The following SCHIP1 variants were observed in gnomAD, a reference collection of about 807,000 sequenced individuals.
The protein encoded by SCHIP1 is schwannomin interacting protein 1.
Under a neutral mutation model 29.7 loss-of-function variants are expected in SCHIP1, and 8 were observed. The ratio of observed to expected loss-of-function variants is 0.27; its 90% CI spans 0.16 to 0.49. The LOEUF (loss-of-function observed/expected upper bound fraction) is 0.49. Ranked by LOEUF, SCHIP1 falls within the 20% of genes least tolerant of loss-of-function variation. The pLI, the probability that SCHIP1 is intolerant of heterozygous loss-of-function variation, is 0.99. For missense variants in SCHIP1, 193 were observed against 294.6 expected, an observed-to-expected ratio of 0.66 and a Z score of 2.52; for synonymous variants, 76 against 94.9, an observed-to-expected ratio of 0.80 and a Z score of 1.16.
chr3:159,472,467 G>C, the SCHIP1 span, among the ~76,000 whole-genome samples: 1 of 152,120 alleles, frequency 6.6e-6, no homozygotes, highest in Non-Finnish European at 1.5e-5. Flanking sequence ...GTATTTACAT[G>C]CAGCAGCCTT....
At chr3:159,855,514 G>A (rs1481646543) in intron 1 of SCHIP1, among the ~76,000 whole-genome samples, 1 of 152,026 alleles carries the variant, frequency 6.6e-6, no homozygotes, top group Non-Finnish European at 1.5e-5. Flanking sequence ...CAGTAAGATG[G>A]TTTTGAGTCC....
chr3:159,714,723 G>C, the SCHIP1 span, among the ~76,000 whole-genome samples: 34 of 152,360 alleles, frequency 2.2e-4, no homozygotes, highest in African/African-American at 8.2e-4. Context: ...GCTGAGGCTT[G>C]AGTAGGTAAA....
chr3:159,311,788 C>T, the SCHIP1 span, among the ~76,000 whole-genome samples: 2 of 152,094 alleles, frequency 1.3e-5, no homozygotes, highest in Non-Finnish European at 2.9e-5. Flanking sequence ...TTATGATACT[C>T]TTCATGATCA....
chr3:159,818,219 A>G, the SCHIP1 span, among the ~76,000 whole-genome samples: 1 of 152,194 alleles, frequency 6.6e-6, no homozygotes, highest in Non-Finnish European at 1.5e-5. Flanking sequence ...AGCACCTTCT[A>G]TGCTCTTATC....
chr3:159,508,406 T>TC, the SCHIP1 span, among the ~76,000 whole-genome samples: 1 of 152,208 alleles, frequency 6.6e-6, no homozygotes, highest in Non-Finnish European at 1.5e-5. Context: ...GTTGATCTTT[T>TC]CAAAAAACCA....
the SCHIP1 span, among the ~76,000 whole-genome samples, chr3:159,809,418 T>G: frequency 8.9e-4 from 136 of 152,276 alleles, no homozygotes; most frequent in Middle Eastern, 3.4e-3. Flanking sequence ...TCCAAGTCTT[T>G]GCTATTGTGA....
the SCHIP1 span, among the ~76,000 whole-genome samples, chr3:159,567,529 T>C: frequency 1.4e-4 from 22 of 152,302 alleles, no homozygotes; most frequent in South Asian, 4.3e-3. Flanking sequence ...GTTAACCACC[T>C]GTCTCAGTAC....
the SCHIP1 span, among the ~76,000 whole-genome samples, chr3:159,564,318 C>T: frequency 6.6e-6 from 1 of 152,186 alleles, no homozygotes; most frequent in Non-Finnish European, 1.5e-5. Flanking sequence ...AACGCAGCAG[C>T]TCTCCCCATG....
At chr3:159,688,446 T>C in the SCHIP1 span, among the ~76,000 whole-genome samples, 3 of 152,178 alleles carry the variant, frequency 2.0e-5, no homozygotes, top group Non-Finnish European at 2.9e-5. Flanking sequence ...TTTGATGGAG[T>C]TGTTTTTTTC....
the SCHIP1 span, among the ~76,000 whole-genome samples, chr3:159,760,178 T>A: frequency 6.6e-6 from 1 of 152,186 alleles, no homozygotes; most frequent in Non-Finnish European, 1.5e-5. Flanking sequence ...TAAATCTCCC[T>A]ACTTGCTAAA....
intron 2 of SCHIP1, among the ~76,000 whole-genome samples, chr3:159,879,235 T>G (rs1716189588): frequency 1.3e-5 from 2 of 152,052 alleles, no homozygotes; most frequent in African/African-American, 4.8e-5. Flanking sequence ...GTTGCCAGCT[T>G]TTTGTTTTGG....
At chr3:159,707,556 C>T in the SCHIP1 span, among the ~76,000 whole-genome samples, 8 of 152,246 alleles carry the variant, frequency 5.3e-5, no homozygotes, top group African/African-American at 1.7e-4. Flanking sequence ...ACATTTTAAA[C>T]TACAAAACAG....
the SCHIP1 span, among the ~76,000 whole-genome samples, chr3:159,711,590 G>A: frequency 2.6e-5 from 4 of 152,086 alleles, no homozygotes; most frequent in African/African-American, 9.7e-5. Context: ...ACAATAAGGT[G>A]TGGTAGGGAC....
At chr3:159,595,507 AG>A in the SCHIP1 span, among the ~76,000 whole-genome samples, 1 of 152,104 alleles carries the variant, frequency 6.6e-6, no homozygotes. Flanking sequence ...GCCTCTGAAG[AG>A]GTCTCTGCCC....
the SCHIP1 span, among the ~76,000 whole-genome samples, chr3:159,726,974 C>T: frequency 2.6e-5 from 4 of 152,126 alleles, no homozygotes; most frequent in Non-Finnish European, 4.4e-5. Flanking sequence ...TGGCGATATG[C>T]TGGAAACATA....
At chr3:159,748,717 T>C in the SCHIP1 span, among the ~76,000 whole-genome samples, 7 of 152,198 alleles carry the variant, frequency 4.6e-5, no homozygotes, top group African/African-American at 9.6e-5. Context: ...ATTTCAAGTA[T>C]TGGAATAATC....
intron 1 of SCHIP1, among the ~76,000 whole-genome samples, chr3:159,841,783 T>C (rs1744244538): frequency 6.6e-6 from 1 of 152,208 alleles, no homozygotes; most frequent in Non-Finnish European, 1.5e-5. Flanking sequence ...AACAGTGTCA[T>C]TATGTGTTTA....
the SCHIP1 span, among the ~76,000 whole-genome samples, chr3:159,326,021 TATTA>T: frequency 6.6e-6 from 1 of 152,156 alleles, no homozygotes; most frequent in Non-Finnish European, 1.5e-5. Context: ...GTTTTACATG[TATTA>T]ATTCCTTTAC....
the SCHIP1 span, among the ~76,000 whole-genome samples, chr3:159,617,030 A>G: frequency 1.3e-4 from 20 of 152,250 alleles, no homozygotes; most frequent in Non-Finnish European, 2.4e-4. Context: ...CCACCATTAC[A>G]GAAAGTTCTA....
Sources: allele counts gnomAD v4.1 joint callset (sites outside exome capture counted in the v4.1 genomes callset), GRCh38; gene constraint gnomAD v4.1.1; transcripts MANE v1.5; gene names NCBI Gene and HGNC (gene_info 2026-07-23, HGNC 2026-07-21).